PIK3CB: variants seen among roughly 807,000 people sequenced by gnomAD.
The protein encoded by PIK3CB is phosphatidylinositol 4,5-bisphosphate 3-kinase catalytic subunit beta isoform.
A neutral mutation model predicts 136.8 loss-of-function variants in PIK3CB; 39 were observed. The ratio of observed to expected loss-of-function variants is 0.29; its 90% CI spans 0.22 to 0.37. The LOEUF is 0.37. Ranked by LOEUF, PIK3CB falls within the 10% of genes least tolerant of loss-of-function variation. The pLI is 1.00. For synonymous variants in PIK3CB, 428 were observed against 436.6 expected (o/e 0.98, Z 0.25); for missense variants, 868 against 1,275.4 (o/e 0.68, Z 4.87).
intron 1 of PIK3CB, among the ~76,000 whole-genome samples, chr3:138,834,451 CG>C (rs1425542339): frequency 6.6e-6 from 1 of 152,054 alleles, no homozygotes; most frequent in African/African-American, 2.4e-5. Flanking sequence ...GCCCAGGGGC[CG>C]GGGGGCGCCA....
intron 12 of PIK3CB, among the ~76,000 whole-genome samples, chr3:138,700,158 G>A (rs1379950241): frequency 1.3e-5 from 2 of 152,126 alleles, no homozygotes; most frequent in Non-Finnish European, 2.9e-5. Context: ...GGAGGTTGAG[G>A]CTGCAGTGAG....
chr3:138,682,371 A>G (rs746310692), intron 18 of PIK3CB, among the ~76,000 whole-genome samples: 3 of 152,180 alleles, frequency 2.0e-5, no homozygotes, highest in African/African-American at 7.2e-5. Context: ...TACTACTCCC[A>G]TAAGGCAGTG....
chr3:138,691,187 C>G lies in PIK3CB; in HGVS notation c.1893-44G>C, dbSNP rs1032598441. 3.8e-6 allele frequency: 6 copies of G among 1,566,556 alleles called. No individual in the cohort carries two copies. In the African/African-American group the frequency reaches 5.5e-5, roughly 14 times the overall value. On this transcript the variant is annotated intron_variant, in intron 14 of 23. Transcript: ENST00000674063. ...ACAGTGAGTAACCAAACAACCTGTG[C>G]CAGAAAAAGATCCCTTGGTATCAAA...
chr3:138,681,362 T>C (rs2043778282), intron 19 of PIK3CB, among the ~76,000 whole-genome samples: 1 of 152,192 alleles, frequency 6.6e-6, no homozygotes, highest in African/African-American at 2.4e-5. Flanking sequence ...TTTTATACTT[T>C]TTATAAAATG....
intron 2 of PIK3CB, among the ~76,000 whole-genome samples, chr3:138,768,540 T>C (rs1194938058): frequency 1.3e-5 from 2 of 152,190 alleles, no homozygotes; most frequent in Non-Finnish European, 1.5e-5. Flanking sequence ...GCCTGGTCCC[T>C]AGCCTTCAGA....
intron 1 of PIK3CB, among the ~76,000 whole-genome samples, chr3:138,831,874 G>A (rs1394351821): frequency 6.6e-6 from 1 of 151,890 alleles, no homozygotes; most frequent in Non-Finnish European, 1.5e-5. Context: ...AGCAGAGATC[G>A]TGCCATTGCA....
rs1369398008 is a variant in PIK3CB, at chr3:138,707,590, C to T, written c.1400-301G>A. The T allele has an allele frequency of 4.6e-6, 5 of 1,093,436 alleles. No individual in the cohort carries two copies. In the African/African-American group the frequency reaches 8.4e-5, roughly 18 times the overall value. 67.7% of individuals were successfully genotyped at this position (1,093,436 alleles called of 1,614,324 possible). A position where few individuals can be genotyped will look rare whatever the true frequency, so the allele number is the denominator to read the frequency against. On this transcript the variant is annotated intron_variant, in intron 10 of 23. Transcript: ENST00000674063. ...ACTTTAATTGGAACTGCTCTCTCTC[C>T]ATCAAAATTAGGTGGCCCATAGAAA...
intron 4 of PIK3CB, among the ~76,000 whole-genome samples, chr3:138,749,552 G>A (rs1266164965): frequency 6.6e-6 from 1 of 152,142 alleles, no homozygotes; most frequent in Admixed American, 6.5e-5. Context: ...TGGCCTGGAT[G>A]GCACTGTATG....
chr3:138,667,528 A>G (rs2043439252), intron 19 of PIK3CB, among the ~76,000 whole-genome samples: 1 of 151,728 alleles, frequency 6.6e-6, no homozygotes, highest in African/African-American at 2.4e-5. Context: ...AAAAAATTGA[A>G]TTATTTTATG....
chr3:138,687,124 G>A (rs1318616191), intron 16 of PIK3CB, among the ~76,000 whole-genome samples: 2 of 151,732 alleles, frequency 1.3e-5, no homozygotes, highest in East Asian at 3.9e-4. Flanking sequence ...ATGGACATAA[G>A]TCTAATACTT....
intron 14 of PIK3CB, among the ~76,000 whole-genome samples, chr3:138,693,796 A>C (rs2044061039): frequency 6.6e-6 from 1 of 151,618 alleles, no homozygotes; most frequent in East Asian, 1.9e-4. Flanking sequence ...TCATAGATAT[A>C]TATGAAACAG....
chr3:138,659,055 C>A (rs1337718628), intron 21 of PIK3CB, among the ~76,000 whole-genome samples: 1 of 152,180 alleles, frequency 6.6e-6, no homozygotes, highest in African/African-American at 2.4e-5. Context: ...CAGGGTTTCT[C>A]AATACTGGCA....
At chr3:138,801,788 G>A (rs558430754) in intron 1 of PIK3CB, among the ~76,000 whole-genome samples, 23 of 149,714 alleles carry the variant, frequency 1.5e-4, no homozygotes, top group African/African-American at 2.0e-4. Context: ...GCTTGAACCC[G>A]GGAGGCAGAG....
intron 1 of PIK3CB, among the ~76,000 whole-genome samples, chr3:138,815,070 G>A (rs1933244209): frequency 6.8e-6 from 1 of 147,066 alleles, no homozygotes; most frequent in African/African-American, 2.5e-5. Flanking sequence ...AACCTAGGAG[G>A]CGGAGCTTGC....
At chr3:138,676,046 A>G (rs2043635376) in intron 19 of PIK3CB, among the ~76,000 whole-genome samples, 1 of 152,210 alleles carries the variant, frequency 6.6e-6, no homozygotes, top group African/African-American at 2.4e-5. Context: ...AACCAGAAAA[A>G]CATATTTGCA....
chr3:138,721,370 G>A (rs1026657975), intron 8 of PIK3CB, among the ~76,000 whole-genome samples: 6 of 152,048 alleles, frequency 3.9e-5, no homozygotes, highest in African/African-American at 1.4e-4. Flanking sequence ...TCACCATGTT[G>A]GTCATGCCGG....
chr3:138,768,985 T>TG (rs2045767986), intron 2 of PIK3CB, among the ~76,000 whole-genome samples: 1 of 151,916 alleles, frequency 6.6e-6, no homozygotes, highest in Non-Finnish European at 1.5e-5. Context: ...GAGAAGGGGC[T>TG]GGGGGGCCAA....
chr3:138,817,057 G>A (rs1032862421), intron 1 of PIK3CB, among the ~76,000 whole-genome samples: 2 of 151,250 alleles, frequency 1.3e-5, no homozygotes, highest in African/African-American at 2.4e-5. Context: ...AAAAAAAAAA[G>A]GCCGGGCGCG....
At chr3:138,822,329 G>A (rs1482366716) in intron 1 of PIK3CB, among the ~76,000 whole-genome samples, 4 of 151,984 alleles carry the variant, frequency 2.6e-5, no homozygotes, top group Non-Finnish European at 5.9e-5. Context: ...GTCAGGAAGG[G>A]CAGATCAGGA....
Sources: gnomAD v4.1 joint callset for allele counts (sites outside exome capture counted in the v4.1 genomes callset) on GRCh38, gnomAD v4.1.1 for gene constraint, MANE v1.5 for transcripts, NCBI Gene and HGNC (gene_info 2026-07-23, HGNC 2026-07-21) for gene names.